KCTD1: variants seen among roughly 807,000 people sequenced by gnomAD.
KCTD1 encodes BTB/POZ domain-containing protein KCTD1.
KCTD1 carries 24 observed loss-of-function variants against 66.0 expected under a neutral mutation model. The ratio of observed to expected loss-of-function variants is 0.36; its 90% CI spans 0.26 to 0.51. The LOEUF is 0.51. Among genes scored for constraint, KCTD1 ranks in the 20% least tolerant of loss-of-function variants. The pLI is 0.95. For missense variants in KCTD1, 943 were observed against 1,205.2 expected (o/e 0.78, Z 3.22); for synonymous variants, 511 against 517.2 (o/e 0.99, Z 0.16).
chr18:26,636,686 A>G (rs567464500), intron 1 of KCTD1, among the ~76,000 whole-genome samples: 1 of 152,318 alleles, frequency 6.6e-6, no homozygotes, highest in African/African-American at 2.4e-5. Context: ...TCACACTCAC[A>G]TGATCACCCA....
At chr18:26,657,001 C>T (rs184670705) in intron 1 of KCTD1, among the ~76,000 whole-genome samples, 1 of 150,234 alleles carries the variant, frequency 6.7e-6, no homozygotes, top group African/African-American at 2.4e-5. Flanking sequence ...CCCAGAGCCA[C>T]GGCGGCTCCT....
chr18:26,490,977 T>A (rs1982169054), intron 2 of KCTD1, among the ~76,000 whole-genome samples: 1 of 152,198 alleles, frequency 6.6e-6, no homozygotes. Context: ...GGTCTCAAAC[T>A]CCTGAGCTCA....
chr18:26,455,772 T>C lies in KCTD1; in HGVS notation c.2569A>G (p.Ile857Val), dbSNP rs781694606. The change falls in exon 5 of 5, where the codon ATC becomes GTC. Residue 857 changes from isoleucine to valine, a missense_variant. Ile to Val is a conservative substitution (Grantham distance 29). Transcript: ENST00000580059. ...TCCAGAGGCTCTTGCTTTATCCGGA[T>C]GACGGAGGGTACACGGGGCGTCCGC... ...LRRTPRVPSVIRIKQEPLD is the reference protein window; with the variant it reads ...LRRTPRVPSVVRIKQEPLD 2 of 1,614,032 alleles carry C rather than the reference T, an allele frequency of 1.2e-6. No homozygotes were observed. The highest frequency in any genetic ancestry group is 1.7e-6 in the Non-Finnish European group (2 of 1,180,026).
At chr18:26,627,551 T>G (rs1440119128) in intron 1 of KCTD1, among the ~76,000 whole-genome samples, 2 of 152,194 alleles carry the variant, frequency 1.3e-5, no homozygotes, top group Non-Finnish European at 2.9e-5. Context: ...TGGTCATGGT[T>G]CCAGAAAAAT....
At chr18:26,642,604 C>CA (rs1012875957), upstream of KCTD1, among the ~76,000 whole-genome samples, 1 of 151,796 alleles carries the variant, frequency 6.6e-6, no homozygotes. Context: ...CTAAGTCATT[C>CA]AAAAAAACTG....
At chr18:26,575,319 C>T (rs145529066) in intron 1 of KCTD1, 65 of 152,320 alleles carry the variant, frequency 4.3e-4, no homozygotes, top group African/African-American at 1.5e-3. Context: ...CGCGTGCAGA[C>T]TTGAAAATGC....
rs1463687568 is a variant in KCTD1, at chr18:26,455,841, C to G, written c.2500G>C (p.Asp834His). 1 of 1,614,178 alleles carries G rather than the reference C, an allele frequency of 6.2e-7. No homozygotes were observed. Among genetic ancestry groups the G allele is most frequent in the Non-Finnish European group, 8.5e-7 (1 of 1,180,012 alleles). Residue 834 changes from aspartate to histidine, a missense_variant, in exon 5 of 5, where the codon GAC (aspartate) becomes CAC (histidine). Transcript: ENST00000580059. ...EIVGSCGGGV[D>H]SSQFSEYVLR... ...ACGTATTCGCTGAACTGGGACGAGT[C>G]TACTCCTCCCCCACAGGAGCCCACG...
chr18:26,482,761 T>A (rs749526518), intron 2 of KCTD1, among the ~76,000 whole-genome samples: 2 of 152,064 alleles, frequency 1.3e-5, no homozygotes, highest in African/African-American at 4.8e-5. Context: ...CTGTGGTCCA[T>A]GCATGGTAAT....
chr18:26,505,268 C>T (rs3893675), intron 1 of KCTD1, among the ~76,000 whole-genome samples: 110,608 of 152,220 alleles, frequency 0.73, 40,980 homozygotes, highest in Middle Eastern at 0.8. Flanking sequence ...CCATCATCAT[C>T]TTAGTTTGTG....
chr18:26,537,015 A>G (rs530467871), intron 1 of KCTD1, among the ~76,000 whole-genome samples: 2 of 152,200 alleles, frequency 1.3e-5, no homozygotes, highest in Admixed American at 6.5e-5. Context: ...AAAATCCAGC[A>G]TTGTGAACAC....
At chr18:26,638,048 CT>C (rs1217122986) in intron 1 of KCTD1, among the ~76,000 whole-genome samples, 1 of 152,210 alleles carries the variant, frequency 6.6e-6, no homozygotes, top group Non-Finnish European at 1.5e-5. Flanking sequence ...CATAGTTTGT[CT>C]TTAAAAAATC....
At chr18:26,559,355 CA>C (rs1442431248) in intron 1 of KCTD1, among the ~76,000 whole-genome samples, 1 of 152,174 alleles carries the variant, frequency 6.6e-6, no homozygotes. Context: ...CAAAATATCT[CA>C]TGTACCCCCA....
Position 26,546,798 on chromosome 18 carries a change from G to A in KCTD1, c.1739C>T (p.Pro580Leu). Residue 580 changes from proline (P) to leucine (L), a missense_variant, in exon 1 of 5, where the codon CCA (proline) becomes CTA (leucine). Around this residue, in one of 10 missense-constraint regions of KCTD1, gnomAD observed 197 missense variants for 182.7 expected, o/e 1.08. Transcript: ENST00000580059. ...GGTGCTTCTGTGCCCATTGGCTTCTGGAAGAAGAGGCAGGGGGTCGTGTTT... is the reference window on the plus strand; with the variant it reads ...GGTGCTTCTGTGCCCATTGGCTTCTAGAAGAAGAGGCAGGGGGTCGTGTTT... Reference protein sequence around the residue: ...SVKHDPLPLLPEANGHRSTNS... With the variant: ...SVKHDPLPLLLEANGHRSTNS... The A allele has an allele frequency of 1.3e-6, 2 of 1,548,376 alleles. No homozygotes were observed. Among genetic ancestry groups the A allele is most frequent in the South Asian group, 1.2e-5 (1 of 83,318 alleles).
chr18:26,597,396 A>G (rs1264821004), intron 1 of KCTD1, among the ~76,000 whole-genome samples: 1 of 152,182 alleles, frequency 6.6e-6, no homozygotes. Context: ...TTGATTACAT[A>G]CAGGGGCCTG....
chr18:26,544,660 G>C (rs1985128035), intron 1 of KCTD1: 1 of 152,092 alleles, frequency 6.6e-6, no homozygotes, highest in Non-Finnish European at 1.5e-5. Flanking sequence ...CCTCAGCTAG[G>C]CATTAAGCCC....
intron 1 of KCTD1, among the ~76,000 whole-genome samples, chr18:26,576,891 A>T (rs1337846873): frequency 6.6e-6 from 1 of 152,218 alleles, no homozygotes; most frequent in Non-Finnish European, 1.5e-5. Flanking sequence ...GTAAAAAATG[A>T]AGAGTGAAAC....
In KCTD1 at chr18:26,548,423, C is replaced by T. The variant is rs757129777; in HGVS notation, c.114G>A (p.Ala38=). 15 of 1,424,618 alleles carry T rather than the reference C, an allele frequency of 1.1e-5. 2 individuals are homozygous for T. In the Admixed American group the frequency reaches 1.4e-4, roughly 13 times the overall value. The allele number at this position is 1,424,618 out of a possible 1,614,324, so 88.2% of individuals were successfully genotyped here. ...GGCTGTGGCGGCGGCCGCGGCCCCC[C>T]GCGCCGCGCTCGCCCTCGCCCCGCT... The part of the protein sequence containing the change: ...NGERGEGERG[A]GGRGRRHSRP... Residue 38 remains alanine (A), a synonymous_variant, in exon 1 of 5, where the codon GCG becomes GCA. Coordinates refer to ENST00000580059, the MANE Select transcript of KCTD1 (RefSeq NM_001142730.3).
In KCTD1 at chr18:26,615,609, C is replaced by G. The variant is rs76241265; in HGVS notation, c.-16+13538G>C. Among the ~76,000 whole-genome samples, 20 of 152,310 alleles carry G rather than the reference C, an allele frequency of 1.3e-4. No individual in the cohort carries two copies. In the East Asian group the frequency reaches 2.5e-3, roughly 19 times the overall value. On this transcript the variant is annotated intron_variant, in intron 1 of 4. Transcript: ENST00000317932. ...CCAGCCTCAGTATCCTGTCCCCTTA[C>G]AGTACTGGTCCCCTGAGAAATTTGA... is the stretch of plus-strand genomic sequence containing the variant.
intron 1 of KCTD1, among the ~76,000 whole-genome samples, chr18:26,506,128 C>T (rs927300908): frequency 2.6e-5 from 4 of 152,196 alleles, no homozygotes; most frequent in East Asian, 1.9e-4. Flanking sequence ...GTGATCAGCC[C>T]GCCTTGGCCT....
Sources: gnomAD v4.1 joint callset for allele counts (sites outside exome capture counted in the v4.1 genomes callset) on GRCh38, gnomAD v4.1.1 for gene constraint, gnomAD v4.1.1 regional missense constraint, MANE v1.5 for transcripts, NCBI Gene and HGNC (gene_info 2026-07-23, HGNC 2026-07-21) for gene names.